Variants in KCNN2 observed in about 807,000 individuals in gnomAD.
KCNN2 encodes potassium calcium-activated channel subfamily N member 2.
In KCNN2, 24 loss-of-function variants were observed where a neutral mutation model predicts 55.5. The ratio of observed to expected loss-of-function variants is 0.43; its 90% confidence interval spans 0.31 to 0.61. The LOEUF (loss-of-function observed/expected upper bound fraction) is 0.61. Ranked by LOEUF, KCNN2 falls within the 20% of genes least tolerant of loss-of-function variation. The pLI is 0.08. For synonymous variants in KCNN2, 431 were observed against 336.1 expected (o/e 1.28, Z -3.09); for missense variants, 754 against 853.6 (o/e 0.88, Z 1.45).
chr5:114,474,817 C>G (rs1169127387), intron 5 of KCNN2, among the ~76,000 whole-genome samples: 2 of 151,824 alleles, frequency 1.3e-5, no homozygotes, highest in Non-Finnish European at 2.9e-5. Flanking sequence ...TAAGTTAATG[C>G]CACACTTAAG....
chr5:114,323,088 T>TA (rs1241291324), intron 2 of KCNN2, among the ~76,000 whole-genome samples: 2 of 152,234 alleles, frequency 1.3e-5, no homozygotes, highest in Non-Finnish European at 2.9e-5. Flanking sequence ...ATTAGTTTGC[T>TA]AAAAATAAAA....
chr5:114,178,508 G>T (rs911704950), intron 1 of KCNN2, among the ~76,000 whole-genome samples: 3 of 152,130 alleles, frequency 2.0e-5, no homozygotes, highest in African/African-American at 7.2e-5. Flanking sequence ...GAAACTGTAG[G>T]TGACAAATTC....
chr5:114,494,932 G>T (rs75426266), intron 7 of KCNN2, among the ~76,000 whole-genome samples: 1 of 152,132 alleles, frequency 6.6e-6, no homozygotes, highest in Non-Finnish European at 1.5e-5. Context: ...GGGAAATGCA[G>T]TAGGAGGGAC....
At chr5:114,493,192 C>T (rs981336364) in intron 6 of KCNN2, among the ~76,000 whole-genome samples, 2 of 152,146 alleles carry the variant, frequency 1.3e-5, no homozygotes, top group Non-Finnish European at 2.9e-5. Flanking sequence ...CATCTCATCT[C>T]TTGCTCTCAC....
At chr5:114,256,239 C>A in intron 2 of KCNN2, among the ~76,000 whole-genome samples, 1 of 152,046 alleles carries the variant, frequency 6.6e-6, no homozygotes, top group Non-Finnish European at 1.5e-5. Flanking sequence ...ATATATATAT[C>A]TACACATATA....
At chr5:114,329,534 C>T (rs892470674) in intron 2 of KCNN2, among the ~76,000 whole-genome samples, 3 of 152,176 alleles carry the variant, frequency 2.0e-5, no homozygotes, top group Non-Finnish European at 1.5e-5. Flanking sequence ...GGACTTACAC[C>T]AGTGGTTGGT....
intron 1 of KCNN2, among the ~76,000 whole-genome samples, chr5:114,211,976 T>G (rs906891584): frequency 6.0e-5 from 9 of 150,948 alleles, no homozygotes; most frequent in Non-Finnish European, 1.2e-4. Flanking sequence ...TAGCAACACT[T>G]TATACTATTA....
intron 2 of KCNN2, among the ~76,000 whole-genome samples, chr5:114,312,703 A>G (rs10064214): frequency 0.14 from 21,432 of 151,892 alleles, 2,047 homozygotes; most frequent in Non-Finnish European, 0.19. Context: ...TGGAAGAAAT[A>G]AAATGGAAAA....
intron 1 of KCNN2, among the ~76,000 whole-genome samples, chr5:114,107,283 T>G (rs1751507560): frequency 1.3e-5 from 2 of 152,074 alleles, no homozygotes; most frequent in Admixed American, 6.6e-5. Flanking sequence ...CCATAGTGTT[T>G]TTTTTACTAT....
chr5:114,324,442 A>T (rs2150030781), intron 2 of KCNN2, among the ~76,000 whole-genome samples: 1 of 152,358 alleles, frequency 6.6e-6, no homozygotes, highest in Non-Finnish European at 1.5e-5. Context: ...CTATGGAAGA[A>T]GGGAAAAAAT....
upstream of KCNN2, among the ~76,000 whole-genome samples, chr5:114,359,465 T>G (rs1470306952): frequency 1.3e-5 from 2 of 152,136 alleles, no homozygotes; most frequent in South Asian, 2.1e-4. Context: ...AAGATACATT[T>G]TTGCCTATTA....
At chr5:114,258,526 G>A (rs1170636376) in intron 2 of KCNN2, among the ~76,000 whole-genome samples, 1 of 151,976 alleles carries the variant, frequency 6.6e-6, no homozygotes, top group Non-Finnish European at 1.5e-5. Context: ...ACTACTCATT[G>A]TTGGTTTGCT....
intron 2 of KCNN2, among the ~76,000 whole-genome samples, chr5:114,265,044 G>C (rs1285283436): frequency 6.6e-6 from 1 of 152,102 alleles, no homozygotes; most frequent in African/African-American, 2.4e-5. Flanking sequence ...AGATTGCAGA[G>C]GGCTTGATTG....
chr5:114,445,848 A>G lies in KCNN2; in HGVS notation c.1638-17201A>G, dbSNP rs1455050353. On this transcript the variant is annotated intron_variant, in intron 3 of 7. Transcript: ENST00000673685. ...TTCTAGTTGTTTGATTTGGAAAGCA[A>G]TGCATCCCAAAAGCATCTACCCTGC... is the stretch of plus-strand genomic sequence containing the variant. Among the ~76,000 whole-genome samples, 10 of 152,328 alleles carry G rather than the reference A, an allele frequency of 6.6e-5. No homozygotes were observed. The East Asian group carries it at 1.2e-3, about 18-fold the overall frequency.
At chr5:114,449,908 A>ACACACGCGCGCGCGCG (rs1309590184) in intron 3 of KCNN2, among the ~76,000 whole-genome samples, 6 of 66,118 alleles carry the variant, frequency 9.1e-5, no homozygotes, top group African/African-American at 1.7e-4. Context: ...ACACACACAC[A>ACACACGCGCGCGCGCG]CGCGCGCGCT....
chr5:114,294,470 C>G (rs1408360263), intron 2 of KCNN2, among the ~76,000 whole-genome samples: 2 of 152,130 alleles, frequency 1.3e-5, no homozygotes, highest in Non-Finnish European at 2.9e-5. Context: ...CATTCAGGAG[C>G]AGGTTGTTCA....
chr5:114,169,439 G>T (rs1580583975), intron 1 of KCNN2, among the ~76,000 whole-genome samples: 1 of 152,056 alleles, frequency 6.6e-6, no homozygotes, highest in East Asian at 1.9e-4. Flanking sequence ...GAAAAAGAAT[G>T]CTGAATTTCC....
intron 2 of KCNN2, among the ~76,000 whole-genome samples, chr5:114,397,578 G>A (rs181975369): frequency 2.6e-5 from 4 of 152,142 alleles, no homozygotes; most frequent in Admixed American, 2.0e-4. Flanking sequence ...GTAGAGATGG[G>A]GTTTCACCAT....
At chr5:114,291,341 CT>C (rs1321818505) in intron 2 of KCNN2, among the ~76,000 whole-genome samples, 4 of 152,218 alleles carry the variant, frequency 2.6e-5, no homozygotes, top group Non-Finnish European at 5.9e-5. Context: ...CCTCCCCCCT[CT>C]CCTCACCCCA....
Sources: gnomAD v4.1 joint callset for allele counts (sites outside exome capture counted in the v4.1 genomes callset) on GRCh38, gnomAD v4.1.1 for gene constraint, MANE v1.5 for transcripts, NCBI Gene and HGNC (gene_info 2026-07-23, HGNC 2026-07-21) for gene names.